The following EPHX2 variants were observed in gnomAD, a reference collection of about 807,000 sequenced individuals.
EPHX2 encodes bifunctional epoxide hydrolase 2.
EPHX2 carries 74 observed loss-of-function variants against 78.7 expected under a neutral mutation model. The observed-to-expected ratio is 0.94, with a 90% confidence interval of 0.78 to 1.14. The LOEUF (loss-of-function observed/expected upper bound fraction) is 1.14. EPHX2 is among the 50% of genes most tolerant of loss of function. The pLI, the probability that EPHX2 is intolerant of heterozygous loss-of-function variation, is 0.00. For missense variants in EPHX2, 715 were observed against 702.5 expected (o/e 1.02, Z -0.20); for synonymous variants, 251 against 255.2 (o/e 0.98, Z 0.16).
downstream of EPHX2, among the ~76,000 whole-genome samples, chr8:27,547,284 T>G (rs1243626015): frequency 6.6e-6 from 1 of 152,160 alleles, no homozygotes; most frequent in Non-Finnish European, 1.5e-5. Flanking sequence ...TTGAGGACCT[T>G]TGGGCCACAC....
chr8:27,541,388 C>T, intron 15 of EPHX2, 85 bp from the exon 16 acceptor site: 1 of 1,392,276 alleles, frequency 7.2e-7, no homozygotes, highest in Non-Finnish European at 1.0e-6. Context: ...GGACGACTGG[C>T]TGTGCAGAGC....
intron 4 of EPHX2, among the ~76,000 whole-genome samples, chr8:27,505,812 G>A (rs935592736): frequency 2.6e-5 from 4 of 152,006 alleles, no homozygotes; most frequent in Admixed American, 2.6e-4. Flanking sequence ...CTCAGAGCAG[G>A]GCTCCCAATC....
Position 27,505,104 on chromosome 8 carries a change from C to A in EPHX2, c.495C>A (p.Ile165=). ...GAATGGTCAAACCTGAACCTCAGAT[C>A]TACAAGTTTCTGCTGGACACCCTGA... ...QVGMVKPEPQ[I]YKFLLDTLKA... The change falls in exon 4 of 19, where the codon ATC becomes ATA. Residue 165 remains isoleucine, a synonymous_variant. Transcript: ENST00000521400. 6.2e-7 allele frequency: 1 copy of A among 1,613,850 alleles called. No individual in the cohort carries two copies. Among genetic ancestry groups the A allele is most frequent in the Non-Finnish European group, 8.5e-7 (1 of 1,179,856 alleles).
intron 17 of EPHX2, 134 bp downstream of exon 17, chr8:27,543,963 A>G (rs1009675718): frequency 4.0e-6 from 4 of 1,012,342 alleles, no homozygotes; most frequent in Non-Finnish European, 3.0e-6. Flanking sequence ...CATCAGTAAC[A>G]TCACTGTCCC....
chr8:27,519,050 A>G (rs886852461), intron 9 of EPHX2, among the ~76,000 whole-genome samples: 6 of 152,214 alleles, frequency 3.9e-5, no homozygotes, highest in Admixed American at 3.9e-4. Flanking sequence ...ACCAAAAACA[A>G]ACAAGATGGT....
chr8:27,543,975 C>A (rs1022353197), intron 17 of EPHX2, 146 bp downstream of exon 17: 5 of 979,202 alleles, frequency 5.1e-6, no homozygotes, highest in Non-Finnish European at 7.8e-6. Flanking sequence ...CACTGTCCCC[C>A]CATTGCAAGC....
intron 15 of EPHX2, among the ~76,000 whole-genome samples, chr8:27,541,245 T>A (rs1815390125): frequency 6.6e-6 from 1 of 152,198 alleles, no homozygotes. Flanking sequence ...ACCTAGAGGC[T>A]GCCAGTTCAC....
At chr8:27,546,621 G>A (rs1815581160), downstream of EPHX2, among the ~76,000 whole-genome samples, 1 of 152,180 alleles carries the variant, frequency 6.6e-6, no homozygotes, top group South Asian at 2.1e-4. Context: ...TCCTTTACTG[G>A]AAGGAGCACA....
chr8:27,544,619 T>C lies in EPHX2; in HGVS notation c.*97T>C. Reference sequence around the variant, plus strand: ...GAGGTGGCCTTACACACATCTTGCATGGATGGCAGCATTGTTCTGAAGGGG... The same window carrying C: ...GAGGTGGCCTTACACACATCTTGCACGGATGGCAGCATTGTTCTGAAGGGG... On this transcript the variant is annotated 3_prime_UTR_variant, in exon 19 of 19. Coordinates refer to ENST00000521400, the MANE Select transcript of EPHX2 (RefSeq NM_001979.6). The C allele has an allele frequency of 4.2e-6, 5 of 1,199,578 alleles. 1 individual carries two copies. The South Asian group carries it at 6.1e-5, about 15-fold the overall frequency. 74.3% of individuals were successfully genotyped at this position (1,199,578 alleles called of 1,614,324 possible).
At chr8:27,495,718 T>C (rs1813547963) in intron 1 of EPHX2, among the ~76,000 whole-genome samples, 1 of 152,244 alleles carries the variant, frequency 6.6e-6, no homozygotes, top group Admixed American at 6.5e-5. Flanking sequence ...CCATAAACAG[T>C]AAGGCCAGCC....
At chr8:27,502,396 T>C (rs1813833856) in intron 2 of EPHX2, among the ~76,000 whole-genome samples, 1 of 152,232 alleles carries the variant, frequency 6.6e-6, no homozygotes, top group African/African-American at 2.4e-5. Context: ...GCTATGATGA[T>C]GTGTATATAT....
intron 8 of EPHX2, among the ~76,000 whole-genome samples, chr8:27,517,029 C>T (rs923018727): frequency 1.3e-5 from 2 of 150,804 alleles, no homozygotes; most frequent in Non-Finnish European, 1.5e-5. Flanking sequence ...AAGTGATTCT[C>T]CTGCCTCAGC....
chr8:27,542,221 G>A (rs1318664311), intron 16 of EPHX2, among the ~76,000 whole-genome samples: 2 of 152,120 alleles, frequency 1.3e-5, no homozygotes, highest in African/African-American at 4.8e-5. Context: ...GGGATACCAT[G>A]GTGTGTAAAC....
Position 27,536,819 on chromosome 8 carries a change from T to TCGG in EPHX2, c.1207_1209dup (p.Arg403dup). ...AGGCTGAACTGGAACAGAACCTGAG[T>TCGG]CGGACTTTCAAAAGCCTCTTCAGAG... On this transcript the variant is annotated inframe_insertion, in exon 13 of 19. Coordinates refer to ENST00000521400, the MANE Select transcript of EPHX2 (RefSeq NM_001979.6). 1 of 1,613,184 alleles carries TCGG rather than the reference T, an allele frequency of 6.2e-7. No individual in the cohort carries two copies. The highest frequency in any genetic ancestry group is 8.5e-7 in the Non-Finnish European group (1 of 1,179,842).
chr8:27,514,299 C>T (rs1212646174), intron 6 of EPHX2, among the ~76,000 whole-genome samples: 2 of 152,140 alleles, frequency 1.3e-5, no homozygotes, highest in Non-Finnish European at 2.9e-5. Flanking sequence ...AAAGTGAGAC[C>T]ATGTCCCCCA....
intron 3 of EPHX2, 45 bp downstream of exon 3, chr8:27,503,808 C>A (rs765640978): frequency 6.3e-7 from 1 of 1,581,262 alleles, no homozygotes; most frequent in Admixed American, 1.7e-5. Flanking sequence ...CCACCCAGAA[C>A]CCTCGGGAGC....
In EPHX2 at chr8:27,525,393, C is replaced by G; in HGVS notation, c.1090C>G (p.Pro364Ala). Residue 364 changes from proline to alanine, a missense_variant, in exon 12 of 19, where the codon CCA (proline) becomes GCA (alanine). Transcript: ENST00000521400. The part of the protein sequence containing the change: ...AVASLNTPFI[P>A]ANPNMSPLES... ...GGCCAGTTTGAATACTCCCTTCATA[C>G]CAGCAAATCCCAACATGTCCCCTTT... The G allele has an allele frequency of 6.2e-7, 1 of 1,614,142 alleles. No homozygotes were observed. Among genetic ancestry groups the G allele is most frequent in the African/African-American group, 1.3e-5 (1 of 75,020 alleles).
intron 4 of EPHX2, 114 bp downstream of exon 4, chr8:27,505,260 T>G: frequency 2.0e-6 from 2 of 977,274 alleles, no homozygotes; most frequent in Non-Finnish European, 3.1e-6. Context: ...CAGCTCTGAG[T>G]CCACTTCTCC....
rs146349595 is a variant in EPHX2, at chr8:27,516,347, C to T, written c.859C>T (p.Arg287Trp). ...QIPALAQAGYRVLAMDMKGYG... is the reference protein window; with the variant it reads ...QIPALAQAGYWVLAMDMKGYG... ...CCCTGCTCTGGCCCAGGCAGGTTAC[C>T]GGGTCCTAGCTATGGACATGAAAGG... The change falls in exon 8 of 19, where the codon CGG (arginine) becomes TGG (tryptophan). Residue 287 changes from arginine to tryptophan, a missense_variant. By Grantham distance (101) the Arg-to-Trp change is moderately radical. Transcript: ENST00000521400. The T allele has an allele frequency of 4.8e-5, 77 of 1,614,002 alleles. No individual in the cohort carries two copies. In the African/African-American group the frequency reaches 7.9e-4, roughly 16 times the overall value.
Sources: gnomAD v4.1 joint callset for allele counts (sites outside exome capture counted in the v4.1 genomes callset) on GRCh38, gnomAD v4.1.1 for gene constraint, MANE v1.5 for transcripts, NCBI Gene and HGNC (gene_info 2026-07-23, HGNC 2026-07-21) for gene names.